Variants in NTM observed in about 807,000 individuals in gnomAD.
NTM encodes IgLON family member 2.
NTM carries 13 observed loss-of-function variants against 42.1 expected under a neutral mutation model. The observed-to-expected ratio is 0.31, with a 90% CI of 0.20 to 0.49. NTM has a LOEUF of 0.49. Ranked by LOEUF, NTM falls within the 20% of genes least tolerant of loss-of-function variation. The pLI is 0.99. For missense variants in NTM, 373 were observed against 452.8 expected, an observed-to-expected ratio of 0.82 and a Z score of 1.60; for synonymous variants, 187 against 179.2, an observed-to-expected ratio of 1.04 and a Z score of -0.35.
intron 1 of NTM, among the ~76,000 whole-genome samples, chr11:131,785,932 G>C (rs746597930): frequency 1.3e-5 from 2 of 152,206 alleles, no homozygotes; most frequent in Non-Finnish European, 2.9e-5. Flanking sequence ...GGTACCTGTA[G>C]TGCAGGCGTT....
At chr11:131,486,885 C>T (rs530845186) in intron 1 of NTM, among the ~76,000 whole-genome samples, 64 of 152,202 alleles carry the variant, frequency 4.2e-4, no homozygotes, top group Non-Finnish European at 8.2e-4. Context: ...GGGATGCCAG[C>T]CCTGGATGGA....
chr11:132,151,637 A>G (rs1038313434), intron 3 of NTM, among the ~76,000 whole-genome samples: 8 of 152,232 alleles, frequency 5.3e-5, no homozygotes, highest in Non-Finnish European at 4.4e-5. Context: ...TTTGTTTGGT[A>G]AAATGAGTTT....
rs1446801058 is a variant in NTM, at chr11:131,424,595, C to CTTTTTTTTTTTT, written c.82+53711_82+53712insTTTTTTTTTTTT. ...TGCTTAGTTGTTTTTTATTTCTTTT[C>CTTTTTTTTTTTT]TTTTCTTTTTTTTTTTTTTTTTTGG... On this transcript the variant is annotated intron_variant, in intron 1 of 8. Coordinates refer to ENST00000683400, the MANE Select transcript of NTM (RefSeq NM_001352005.2). Among the ~76,000 whole-genome samples, 9 of 39,614 alleles carry CTTTTTTTTTTTT rather than the reference C, an allele frequency of 2.3e-4. 1 individual carries two copies. Among genetic ancestry groups the CTTTTTTTTTTTT allele is most frequent in the East Asian group, 9.5e-4 (1 of 1,050 alleles). 26.0% of individuals were successfully genotyped at this position (39,614 alleles called of 152,430 possible). A position where few individuals can be genotyped will look rare whatever the true frequency, so the allele number is the denominator to read the frequency against.
intron 2 of NTM, among the ~76,000 whole-genome samples, chr11:131,955,270 T>A (rs755081404): frequency 1.3e-5 from 2 of 152,194 alleles, no homozygotes; most frequent in Admixed American, 6.5e-5. Context: ...GGAAATGCCA[T>A]GCCTTTGTTT....
chr11:132,003,043 G>A lies in NTM; in HGVS notation c.167+91395G>A, dbSNP rs1049074831. Among the ~76,000 whole-genome samples the A allele has an allele frequency of 1.3e-5, 2 of 152,184 alleles. No homozygotes were observed. Among genetic ancestry groups the A allele is most frequent in the African/African-American group, 4.8e-5 (2 of 41,446 alleles). ...TGGCTTAGAAGTTAGGGTTAGGAAA[G>A]TAACTAGTGAGCGCACTAAACAGTA... On this transcript the variant is annotated intron_variant, in intron 2 of 8. Transcript: ENST00000683400. This position sits in a 1 kb window ranked among gnomAD's most constrained non-coding sequence, Gnocchi z 6.0.
At chr11:131,737,916 T>C (rs1313036131) in intron 1 of NTM, among the ~76,000 whole-genome samples, 1 of 152,172 alleles carries the variant, frequency 6.6e-6, no homozygotes, top group African/African-American at 2.4e-5. Context: ...AGTTAAATGG[T>C]CTCTTTTTTG....
At chr11:131,409,128 C>T (rs1418071410) in intron 1 of NTM, among the ~76,000 whole-genome samples, 2 of 152,206 alleles carry the variant, frequency 1.3e-5, no homozygotes, top group Non-Finnish European at 2.9e-5. Flanking sequence ...CAAGCCATGA[C>T]AGAAATCATT....
chr11:131,386,581 G>A (rs777983554), intron 1 of NTM, among the ~76,000 whole-genome samples: 31 of 152,188 alleles, frequency 2.0e-4, no homozygotes, highest in Admixed American at 1.7e-3. Flanking sequence ...AAAGGAGTTC[G>A]CATTTGCTGG....
At chr11:131,446,211 T>C (rs1435708162) in intron 1 of NTM, among the ~76,000 whole-genome samples, 1 of 152,200 alleles carries the variant, frequency 6.6e-6, no homozygotes, top group African/African-American at 2.4e-5. Context: ...TGTGAGGCTA[T>C]GGAAATGTTC....
At chr11:131,710,271 T>G (rs1408847187) in intron 1 of NTM, among the ~76,000 whole-genome samples, 4 of 152,212 alleles carry the variant, frequency 2.6e-5, no homozygotes, top group African/African-American at 9.6e-5. Flanking sequence ...ACAATTTCTC[T>G]TATCTATTTT....
At chr11:131,732,219 G>T (rs1017170326) in intron 1 of NTM, among the ~76,000 whole-genome samples, 1 of 152,130 alleles carries the variant, frequency 6.6e-6, no homozygotes, top group South Asian at 2.1e-4. Flanking sequence ...AACCCAATTT[G>T]TTATTTATTC....
chr11:132,058,231 T>C (rs1392730041), intron 2 of NTM, among the ~76,000 whole-genome samples: 2 of 152,196 alleles, frequency 1.3e-5, no homozygotes, highest in East Asian at 3.9e-4. Flanking sequence ...TGCCTGTCCT[T>C]GCATTCTGAT....
chr11:131,772,690 C>T (rs1452341648), intron 1 of NTM, among the ~76,000 whole-genome samples: 1 of 152,130 alleles, frequency 6.6e-6, no homozygotes, highest in Non-Finnish European at 1.5e-5. Context: ...TCTGAGGAGA[C>T]CCCCCAGCCT....
chr11:131,429,254 G>A (rs1049316281), intron 1 of NTM, among the ~76,000 whole-genome samples: 2 of 152,138 alleles, frequency 1.3e-5, no homozygotes, highest in African/African-American at 4.8e-5. Flanking sequence ...CCAAGGGAGG[G>A]GGTAGCTGCC....
chr11:131,487,414 G>A (rs1330193837), intron 1 of NTM, among the ~76,000 whole-genome samples: 1 of 152,156 alleles, frequency 6.6e-6, no homozygotes, highest in Non-Finnish European at 1.5e-5. Flanking sequence ...AGGAAATTAT[G>A]ACTCAGATAA....
intron 1 of NTM, among the ~76,000 whole-genome samples, chr11:131,598,735 C>CTTCTTTCTTTT (rs1565685367): frequency 7.6e-5 from 7 of 91,508 alleles, no homozygotes; most frequent in African/African-American, 2.7e-4. Context: ...TTCTTTCTTT[C>CTTCTTTCTTTT]TTTCTTTCTT....
intron 1 of NTM, among the ~76,000 whole-genome samples, chr11:131,625,028 A>AC (rs1337097448): frequency 7.9e-5 from 12 of 152,194 alleles, no homozygotes; most frequent in Non-Finnish European, 1.3e-4. Flanking sequence ...GTAAGTAACA[A>AC]CCTCACCTTA....
chr11:132,080,041 T>A (rs1275206190), intron 2 of NTM, among the ~76,000 whole-genome samples: 2 of 152,238 alleles, frequency 1.3e-5, no homozygotes, highest in Non-Finnish European at 2.9e-5. Flanking sequence ...GTACAGGGTT[T>A]TGATGTTAAG....
intron 1 of NTM, among the ~76,000 whole-genome samples, chr11:131,413,053 G>A (rs564652642): frequency 6.6e-6 from 1 of 152,224 alleles, no homozygotes; most frequent in South Asian, 2.1e-4. Context: ...TCTGTACCTG[G>A]TTTTGTGAGG....
Sources: allele counts gnomAD v4.1 joint callset (sites outside exome capture counted in the v4.1 genomes callset), GRCh38; gene constraint gnomAD v4.1.1; non-coding constraint Gnocchi (gnomAD v3.1); transcripts MANE v1.5; gene names NCBI Gene and HGNC (gene_info 2026-07-23, HGNC 2026-07-21).